ASB14: variants seen among roughly 807,000 people sequenced by gnomAD.
ASB14 encodes ankyrin repeat and SOCS box protein 14.
A neutral mutation model predicts 55.6 loss-of-function variants in ASB14; 63 were observed. That is an observed-to-expected ratio of 1.13 (90% CI 0.92 to 1.40). The LOEUF is 1.40. Among genes scored for constraint, ASB14 ranks in the 40% most tolerant of loss-of-function variants. The pLI is 0.00. For missense variants in ASB14, 724 were observed against 710.4 expected (o/e 1.02, Z -0.22); for synonymous variants, 256 against 259.9 (o/e 0.98, Z 0.15).
intron 10 of ASB14, chr3:57,273,033 A>C (rs1195473000): frequency 1.3e-5 from 2 of 152,634 alleles, no homozygotes; most frequent in East Asian, 3.8e-4. Flanking sequence ...CTCCCATGAG[A>C]TTTTGTCTTT....
chr3:57,284,871 A>G (rs996422978), intron 5 of ASB14, among the ~76,000 whole-genome samples: 1 of 152,016 alleles, frequency 6.6e-6, no homozygotes, highest in African/African-American at 2.4e-5. Context: ...ATCTTGGGAC[A>G]AACCATGAAG....
Position 57,276,539 on chromosome 3 carries a change from G to A in ASB14, c.*11C>T, listed in dbSNP as rs1260281921. 6.3e-7 allele frequency: 1 copy of A among 1,592,786 alleles called. No homozygotes were observed. Among genetic ancestry groups the A allele is most frequent in the Non-Finnish European group, 8.6e-7 (1 of 1,164,954 alleles). On this transcript the variant is annotated 3_prime_UTR_variant, in exon 10 of 11. Transcript: ENST00000487349. ...CTGCAAAATTATACCTTTTCCATTAGAATGGTTTGATTACCAGGTTCCTGT... is the reference window on the plus strand; with the variant it reads ...CTGCAAAATTATACCTTTTCCATTAAAATGGTTTGATTACCAGGTTCCTGT...
chr3:57,287,046 T>C (rs1286682819), intron 5 of ASB14, among the ~76,000 whole-genome samples: 1 of 152,270 alleles, frequency 6.6e-6, no homozygotes, highest in East Asian at 1.9e-4. Flanking sequence ...CTTATTAAAA[T>C]GGTTTCTCTG....
chr3:57,278,657 T>C lies in ASB14; in HGVS notation c.1151A>G (p.Gln384Arg), dbSNP rs1394164341. The change falls in exon 8 of 11, where the codon CAA (glutamine) becomes CGA (arginine). Residue 384 changes from glutamine (Q) to arginine (R), a missense_variant. Physicochemically the swap from Gln to Arg is conservative, Grantham distance 43 (BLOSUM62 1). Transcript: ENST00000487349. ...LLLSAGALPN[Q>R]DPVNCLQIAL... ...TATCTGGAGGCAGTTAACCGGGTCT[T>C]GATTAGGCAGAGCTCCAGCACTCAG... The C allele has an allele frequency of 1.9e-5, 30 of 1,614,080 alleles. No homozygotes were observed. Among genetic ancestry groups the C allele is most frequent in the Non-Finnish European group, 2.5e-5 (29 of 1,180,034 alleles).
chr3:57,273,377 G>A (rs2060960346), intron 10 of ASB14: 1 of 152,464 alleles, frequency 6.6e-6, no homozygotes, highest in Non-Finnish European at 1.5e-5. Flanking sequence ...TGTCACAATA[G>A]GTATATACTG....
At chr3:57,283,506 G>T in intron 5 of ASB14, 67 bp from the exon 6 acceptor site, 1 of 1,455,652 alleles carries the variant, frequency 6.9e-7, no homozygotes, top group East Asian at 2.5e-5. Context: ...ATATCTGCAA[G>T]TATCCCTCAG....
At chr3:57,285,043 C>T (rs532689885) in intron 5 of ASB14, among the ~76,000 whole-genome samples, 13 of 149,370 alleles carry the variant, frequency 8.7e-5, no homozygotes, top group African/African-American at 1.2e-4. Flanking sequence ...CTGGTTCAAG[C>T]GATTCTCCTG....
At chr3:57,289,838 G>A (rs1220078581) in intron 2 of ASB14, among the ~76,000 whole-genome samples, 1 of 151,648 alleles carries the variant, frequency 6.6e-6, no homozygotes, top group Non-Finnish European at 1.5e-5. Flanking sequence ...TAGTAGAGAT[G>A]GGGTTTTACT....
rs750541975 is a variant in ASB14 at position 57,268,511 on chromosome 3, C to CT, written c.*1129dup. The CT allele has an allele frequency of 6.4e-7, 1 of 1,556,380 alleles. No individual in the cohort carries two copies. Among genetic ancestry groups the CT allele is most frequent in the African/African-American group, 1.4e-5 (1 of 72,342 alleles). On this transcript the variant is annotated 3_prime_UTR_variant, in exon 11 of 11. Coordinates refer to ENST00000487349, the MANE Select transcript of ASB14 (RefSeq NM_001142733.3). ...AGGTATACAGTCCTAATGTCTGGAT[C>CT]TTTATGTGTTGTTTGTGAAGACTTA...
rs1168776838 is a variant in ASB14 at position 57,288,985 on chromosome 3, T to G, written c.178+83A>C. 143 of 1,116,412 alleles carry G rather than the reference T, an allele frequency of 1.3e-4. No homozygotes were observed. The East Asian group carries it at 3.8e-3, about 30-fold the overall frequency. 69.2% of individuals were successfully genotyped at this position (1,116,412 alleles called of 1,614,324 possible). On this transcript the variant is annotated intron_variant, in intron 3 of 10. Coordinates refer to ENST00000487349, the MANE Select transcript of ASB14 (RefSeq NM_001142733.3). ...CACCCACCTTGGCCTCCCAAAGTAC[T>G]GGGATTACAGGCGTGAGCCACTGCA...
rs1241825995 is a variant in ASB14, at chr3:57,287,989, A to AC, written c.380dup (p.Ser127ArgfsTer20). On this transcript the variant is annotated frameshift_variant, in exon 5 of 11. Transcript: ENST00000487349. LOFTEE classifies it high-confidence loss of function. The stretch of plus-strand genomic sequence containing the variant: ...GAAAAGTGGCATTTTCTAAGAGGCA[A>AC]CTGCTGACAGCCAAAAAAAGTGGCG... The AC allele has an allele frequency of 6.5e-6, 10 of 1,537,360 alleles. No homozygotes were observed. Among genetic ancestry groups the AC allele is most frequent in the Non-Finnish European group, 8.7e-6 (10 of 1,146,922 alleles).
At chr3:57,283,875 A>G (rs2107625950) in intron 5 of ASB14, among the ~76,000 whole-genome samples, 1 of 152,224 alleles carries the variant, frequency 6.6e-6, no homozygotes, top group East Asian at 1.9e-4. Flanking sequence ...CTACCCCCAG[A>G]AAATGAATGA....
Position 57,268,500 on chromosome 3 carries a change from A to C in ASB14, c.*1141T>G, listed in dbSNP as rs200168280. ...ACAGATTGAAAAGGTATACAGTCCT[A>C]ATGTCTGGATCTTTATGTGTTGTTT... On this transcript the variant is annotated 3_prime_UTR_variant, in exon 11 of 11. Coordinates refer to ENST00000487349, the MANE Select transcript of ASB14 (RefSeq NM_001142733.3). 1 of 1,580,372 alleles carries C rather than the reference A, an allele frequency of 6.3e-7. No individual in the cohort carries two copies. Among genetic ancestry groups the C allele is most frequent in the East Asian group, 2.2e-5 (1 of 44,550 alleles).
intron 2 of ASB14, 131 bp from the exon 3 acceptor site, chr3:57,289,254 GA>G (rs2061109294): frequency 3.1e-6 from 2 of 637,042 alleles, no homozygotes; most frequent in Non-Finnish European, 5.4e-6. Flanking sequence ...GGCAATGACT[GA>G]GGCATAATAG....
In ASB14 at chr3:57,268,622, A is replaced by G; in HGVS notation, c.*1019T>C. ...GCCACTTCATAAACAGATGATTCAT[A>G]CCATAGCAGAAAAGGGTCACATCTG... On this transcript the variant is annotated 3_prime_UTR_variant, in exon 11 of 11. Coordinates refer to ENST00000487349, the MANE Select transcript of ASB14 (RefSeq NM_001142733.3). The G allele has an allele frequency of 2.0e-6, 2 of 990,166 alleles. No individual in the cohort carries two copies. Among genetic ancestry groups the G allele is most frequent in the East Asian group, 5.3e-5 (2 of 38,070 alleles). The allele number at this position is 990,166 out of a possible 1,614,324, so 61.3% of individuals were successfully genotyped here. A position where few individuals can be genotyped will look rare whatever the true frequency, so the allele number is the denominator to read the frequency against.
intron 10 of ASB14, among the ~76,000 whole-genome samples, chr3:57,274,784 C>T (rs761408125): frequency 6.6e-6 from 1 of 152,132 alleles, no homozygotes; most frequent in Non-Finnish European, 1.5e-5. Context: ...CATTATCAGG[C>T]TAGGTTCAAT....
In ASB14 at chr3:57,283,271, C is replaced by T; in HGVS notation, c.638G>A (p.Ser213Asn). The change falls in exon 6 of 11, where the codon AGC (serine) becomes AAC (asparagine). Residue 213 changes from serine (S) to asparagine (N), a missense_variant. Physicochemically the swap from Ser to Asn is conservative, Grantham distance 46. Transcript: ENST00000487349. ...AGCAAGAGGAGTGAATCCATACGTGCTCTGTGGGTCAGGGTGTGCCCCAGA... is the reference window on the plus strand; with the variant it reads ...AGCAAGAGGAGTGAATCCATACGTGTTCTGTGGGTCAGGGTGTGCCCCAGA... ...LVSGAHPDPQ[S>N]TYGFTPLALA... 1 of 1,552,018 alleles carries T rather than the reference C, an allele frequency of 6.4e-7. No homozygotes were observed. Among genetic ancestry groups the T allele is most frequent in the East Asian group, 2.4e-5 (1 of 40,914 alleles).
chr3:57,276,286 AT>A (rs143870533), intron 10 of ASB14, among the ~76,000 whole-genome samples: 40,243 of 149,838 alleles, frequency 0.27, 6,476 homozygotes, highest in Middle Eastern at 0.4. Flanking sequence ...ACTTTAAAAA[AT>A]TTTTTTTTTC....
At chr3:57,273,959 A>AAAGT (rs1196783571) in intron 10 of ASB14, among the ~76,000 whole-genome samples, 30 of 152,352 alleles carry the variant, frequency 2.0e-4, no homozygotes, top group African/African-American at 7.2e-4. Context: ...TTAGAATTAT[A>AAAGT]TAATTTATCT....
Sources: allele counts gnomAD v4.1 joint callset (sites outside exome capture counted in the v4.1 genomes callset), GRCh38; gene constraint gnomAD v4.1.1; transcripts MANE v1.5; gene names NCBI Gene and HGNC (gene_info 2026-07-23, HGNC 2026-07-21).